Variants in GPC4 observed in about 807,000 individuals in gnomAD.
The protein encoded by GPC4 is glypican 4.
GPC4 carries 10 observed loss-of-function variants against 35.0 expected under a neutral mutation model. That is an observed-to-expected ratio of 0.29 (90% CI 0.18 to 0.48). The LOEUF (loss-of-function observed/expected upper bound fraction) is 0.48. GPC4 is among the 20% of genes least tolerant of loss of function. The pLI is 0.99. For synonymous variants in GPC4, 167 were observed against 170.2 expected (o/e 0.98, Z 0.15); for missense variants, 322 against 451.3 (o/e 0.71, Z 2.60).
In GPC4 at chrX:133,303,158, A is replaced by G. The variant is rs770565766; in HGVS notation, c.1468+8T>C. 8.3e-7 allele frequency: 1 copy of G among 1,209,685 alleles called. No individual in the cohort carries two copies. The highest frequency in any genetic ancestry group is 1.1e-6 in the Non-Finnish European group (1 of 893,941). ...AGCAATTCGTACTTTCAAACCACAA[A>G]TGCTTACTGATATCAAAGAAGTCCA... On this transcript the variant is annotated splice_region_variant and intron_variant, in intron 8 of 8. Transcript: ENST00000370828.
chrX:133,354,560 A>ATTTT (rs1174002540), intron 1 of GPC4, among the ~76,000 whole-genome samples: 1,096 of 93,512 alleles, frequency 0.012, 27 homozygotes, highest in African/African-American at 0.046. Context: ...TTATTTATTT[A>ATTTT]TTTATTTATT....
At chrX:133,411,428 T>C (rs1349613880) in intron 1 of GPC4, among the ~76,000 whole-genome samples, 1 of 112,092 alleles carries the variant, frequency 8.9e-6, no homozygotes, top group Non-Finnish European at 1.9e-5. Context: ...ATGAAAATGG[T>C]TAGATTTTTA....
Position 133,308,030 on chromosome X carries a change from G to T in GPC4, c.878-1876C>A, listed in dbSNP as rs1191335897. On this transcript the variant is annotated intron_variant, in intron 4 of 8. Coordinates refer to ENST00000370828, the MANE Select transcript of GPC4 (RefSeq NM_001448.3). ...CCGGTGCCATGGTGTTGTGTGTTGCGCAGCTGAAGAATGCAACTGAAGAGC... is the reference window on the plus strand; with the variant it reads ...CCGGTGCCATGGTGTTGTGTGTTGCTCAGCTGAAGAATGCAACTGAAGAGC... Among the ~76,000 whole-genome samples the T allele has an allele frequency of 3.6e-5, 4 of 111,953 alleles. No homozygotes were observed. In the South Asian group the frequency reaches 1.5e-3, roughly 42 times the overall value.
intron 1 of GPC4, among the ~76,000 whole-genome samples, chrX:133,363,330 C>G (rs1437154403): frequency 9.0e-6 from 1 of 110,983 alleles, no homozygotes; most frequent in Admixed American, 9.6e-5. Flanking sequence ...AACCACCACA[C>G]CTGCCTGGCC....
At chrX:133,410,295 G>T (rs1848462732) in intron 1 of GPC4, among the ~76,000 whole-genome samples, 1 of 112,349 alleles carries the variant, frequency 8.9e-6, no homozygotes, top group Admixed American at 9.4e-5. Flanking sequence ...GAACAGATAA[G>T]ACCTGGGTTC....
chrX:133,310,046 T>TA (rs2068307893), intron 4 of GPC4, among the ~76,000 whole-genome samples: 1 of 111,572 alleles, frequency 9.0e-6, no homozygotes, highest in African/African-American at 3.3e-5. Flanking sequence ...CATCTTTTTT[T>TA]ATCCCCCTGT....
chrX:133,340,794 C>T (rs779663723), intron 1 of GPC4, among the ~76,000 whole-genome samples: 11 of 111,616 alleles, frequency 9.9e-5, no homozygotes, highest in South Asian at 3.8e-4. Flanking sequence ...TATATGTTCC[C>T]GATCATTCTT....
chrX:133,396,935 T>A (rs921989073), intron 1 of GPC4, among the ~76,000 whole-genome samples: 11 of 111,984 alleles, frequency 9.8e-5, no homozygotes, highest in Non-Finnish European at 1.5e-4. Flanking sequence ...TTTCCTGATA[T>A]AATATTTACA....
At chrX:133,333,351 G>C (rs1481019335) in intron 2 of GPC4, among the ~76,000 whole-genome samples, 2 of 112,797 alleles carry the variant, frequency 1.8e-5, no homozygotes, top group Admixed American at 9.4e-5. Flanking sequence ...AAGCTAAGAG[G>C]AGAGGCCCAA....
At chrX:133,365,169 T>G (rs1056002099) in intron 1 of GPC4, among the ~76,000 whole-genome samples, 1 of 112,095 alleles carries the variant, frequency 8.9e-6, no homozygotes, top group Non-Finnish European at 1.9e-5. Flanking sequence ...TTTTTTTTTC[T>G]TAATGTTTTA....
chrX:133,319,715 G>A (rs1326895349), intron 3 of GPC4, among the ~76,000 whole-genome samples: 1 of 110,834 alleles, frequency 9.0e-6, no homozygotes, highest in Non-Finnish European at 1.9e-5. Context: ...AACATTACTT[G>A]GGTATCCAAA....
chrX:133,339,056 C>T, intron 2 of GPC4, 127 bp downstream of exon 2: 3 of 608,273 alleles, frequency 4.9e-6, no homozygotes, highest in Non-Finnish European at 7.7e-6. Flanking sequence ...AGGGTAAACT[C>T]GTCTCTGGTA....
At chrX:133,393,418 T>A (rs1310898704) in intron 1 of GPC4, among the ~76,000 whole-genome samples, 2 of 109,596 alleles carry the variant, frequency 1.8e-5, no homozygotes, top group Admixed American at 2.0e-4. Context: ...CTGAACTAGG[T>A]TTTTAAAAAC....
intron 1 of GPC4, among the ~76,000 whole-genome samples, chrX:133,387,338 A>G (rs2068696096): frequency 8.9e-6 from 1 of 111,801 alleles, no homozygotes; most frequent in South Asian, 3.8e-4. Context: ...AGCATTTTGC[A>G]GGGATATTAA....
chrX:133,330,906 C>G (rs1286207018), intron 2 of GPC4, among the ~76,000 whole-genome samples: 1 of 110,438 alleles, frequency 9.1e-6, no homozygotes, highest in East Asian at 2.8e-4. Context: ...TACACCACTG[C>G]ACTCCAGCCT....
intron 3 of GPC4, 149 bp downstream of exon 3, chrX:133,323,996 G>T: frequency 2.0e-6 from 1 of 505,632 alleles, no homozygotes; most frequent in Non-Finnish European, 3.2e-6. Context: ...TAAGGACAGT[G>T]TGTGGGAGAG....
At position 133,414,863 on chromosome X, in the gene GPC4, G is replaced by A; in HGVS notation, c.103C>T (p.Arg35Cys). 1 of 1,211,906 alleles carries A rather than the reference G, an allele frequency of 8.3e-7. No homozygotes were observed. The highest frequency in any genetic ancestry group is 1.1e-6 in the Non-Finnish European group (1 of 895,413). Residue 35 changes from arginine to cysteine, a missense_variant, in exon 1 of 9, where the codon CGT becomes TGT. Physicochemically the swap from Arg to Cys is radical, Grantham distance 180. Transcript: ENST00000370828. ...LKSKSCSEVR[R>C]LYVSKGFNKN... ...TTGAAGCCTTTGGACACGTAAAGAC[G>A]TCGCACTTCCGAGCAACTTTTCGAC...
In GPC4 at chrX:133,324,404, A is replaced by C. The variant is rs375014186; in HGVS notation, c.452T>G (p.Val151Gly). The change falls in exon 3 of 9, where the codon GTG becomes GGG. Residue 151 changes from valine (V) to glycine (G), a missense_variant. Around this residue, in one of 3 missense-constraint regions of GPC4, gnomAD observed 163 missense variants for 277.2 expected, o/e 0.59. Transcript: ENST00000370828. ...TTCTTCCAGGTTCACATTTCCCACCACGTAGTAACGTTTCAACTCTACGAA... is the reference window on the plus strand; with the variant it reads ...TTCTTCCAGGTTCACATTTCCCACCCCGTAGTAACGTTTCAACTCTACGAA... ...DLFVELKRYY[V>G]VGNVNLEEML... The C allele has an allele frequency of 1.8e-4, 223 of 1,209,662 alleles. No individual in the cohort carries two copies. The highest frequency in any genetic ancestry group is 2.4e-4 in the Non-Finnish European group (216 of 895,195).
chrX:133,345,164 T>C (rs2068487109), intron 1 of GPC4, among the ~76,000 whole-genome samples: 1 of 112,056 alleles, frequency 8.9e-6, no homozygotes. Flanking sequence ...AATTAAGTTT[T>C]ATCTAGAAGT....
Sources: allele counts gnomAD v4.1 joint callset (sites outside exome capture counted in the v4.1 genomes callset), GRCh38; gene constraint gnomAD v4.1.1; regional missense constraint gnomAD v4.1.1; transcripts MANE v1.5; gene names NCBI Gene and HGNC (gene_info 2026-07-23, HGNC 2026-07-21).